RARB: variants seen among roughly 807,000 people sequenced by gnomAD.
RARB encodes the protein HBV-activated protein.
In RARB, 17 loss-of-function variants were observed where a neutral mutation model predicts 51.9. That is an observed-to-expected ratio of 0.33 (90% CI 0.22 to 0.49). RARB has a LOEUF of 0.49. RARB is among the 20% of genes least tolerant of loss of function. RARB has a pLI of 0.99. For missense variants in RARB, 369 were observed against 550.8 expected, an observed-to-expected ratio of 0.67 and a Z score of 3.30; for synonymous variants, 215 against 195.4, an observed-to-expected ratio of 1.10 and a Z score of -0.84.
Position 24,882,577 on chromosome 3 carries a change from T to C in RARB, c.-380+23825T>C, listed in dbSNP as rs983927569. On this transcript the variant is annotated intron_variant, in intron 2 of 11. Coordinates refer to the RARB transcript ENST00000383772. ...AATTTTATTGTCATCTATGGGACCA[T>C]AATAACATCCATTTCAACTTCAATA... Among the ~76,000 whole-genome samples, 14 of 152,336 alleles carry C rather than the reference T, an allele frequency of 9.2e-5. No individual in the cohort carries two copies. In the East Asian group the frequency reaches 2.7e-3, roughly 29 times the overall value.
chr3:25,317,860 A>G (rs372938552), intron 5 of RARB, among the ~76,000 whole-genome samples: 1 of 152,160 alleles, frequency 6.6e-6, no homozygotes, highest in African/African-American at 2.4e-5. Flanking sequence ...CTTTTACACT[A>G]TGAATCACAT....
At chr3:25,096,372 C>G (rs1575158460) in intron 3 of RARB, among the ~76,000 whole-genome samples, 2 of 152,060 alleles carry the variant, frequency 1.3e-5, no homozygotes, top group African/African-American at 4.8e-5. Flanking sequence ...AGACCAGATA[C>G]CATTGGAGAA....
rs1415367080 is a variant in RARB, at chr3:24,915,089, A to G, written c.-380+56337A>G. Among the ~76,000 whole-genome samples, 3 of 152,098 alleles carry G rather than the reference A, an allele frequency of 2.0e-5. No homozygotes were observed. In the East Asian group the frequency reaches 5.8e-4, roughly 29 times the overall value. On this transcript the variant is annotated intron_variant, in intron 2 of 11. Coordinates refer to the RARB transcript ENST00000383772. ...CTTAGTGGTTAGTGGGGAGAGGACC[A>G]CTCTTTATAAGAGGTGTTTCTGAAG...
At chr3:25,321,414 A>T (rs1704565295) in intron 5 of RARB, among the ~76,000 whole-genome samples, 1 of 152,112 alleles carries the variant, frequency 6.6e-6, no homozygotes, top group East Asian at 1.9e-4. Context: ...GATAAAAATA[A>T]CATTTTTAAA....
intron 5 of RARB, among the ~76,000 whole-genome samples, chr3:25,379,411 G>T (rs1339600373): frequency 6.6e-6 from 1 of 152,182 alleles, no homozygotes; most frequent in East Asian, 1.9e-4. Flanking sequence ...TGGTGACCTA[G>T]TGCCATGGGT....
At chr3:25,019,655 A>T (rs1331687843) in intron 2 of RARB, among the ~76,000 whole-genome samples, 1 of 152,200 alleles carries the variant, frequency 6.6e-6, no homozygotes, top group Non-Finnish European at 1.5e-5. Context: ...AGCTCTTTCA[A>T]AAGACAGACA....
At chr3:25,027,561 G>A (rs78933090) in intron 2 of RARB, among the ~76,000 whole-genome samples, 2 of 152,078 alleles carry the variant, frequency 1.3e-5, no homozygotes, top group Admixed American at 1.3e-4. Context: ...TAATTGAGGT[G>A]AGTATCTATC....
chr3:25,015,518 G>C (rs559891289), intron 2 of RARB, among the ~76,000 whole-genome samples: 1 of 152,058 alleles, frequency 6.6e-6, no homozygotes, highest in Non-Finnish European at 1.5e-5. Flanking sequence ...TCCTGACCCA[G>C]GCATAATGGG....
intron 2 of RARB, among the ~76,000 whole-genome samples, chr3:24,957,864 A>T (rs1304887678): frequency 6.6e-6 from 1 of 152,202 alleles, no homozygotes; most frequent in Non-Finnish European, 1.5e-5. Context: ...AGCAGTTCTT[A>T]TTCCCATAAT....
chr3:25,401,643 G>A (rs988742760), intron 5 of RARB, among the ~76,000 whole-genome samples: 32 of 152,342 alleles, frequency 2.1e-4, no homozygotes, highest in Middle Eastern at 3.4e-3. Flanking sequence ...CTTAGGCTTA[G>A]TAGCAGATTG....
chr3:25,259,890 C>G (rs1044367850), intron 5 of RARB: 1 of 983,956 alleles, frequency 1.0e-6, no homozygotes. Flanking sequence ...CTTTCCTGGA[C>G]AAGATTAGGG....
intron 1 of RARB, among the ~76,000 whole-genome samples, chr3:25,456,506 C>T (rs1260170587): frequency 1.4e-5 from 2 of 145,942 alleles, no homozygotes; most frequent in African/African-American, 2.5e-5. Context: ...TTTGTCTTGG[C>T]ATGTTCGCCT....
chr3:25,035,511 A>C (rs964379583), intron 2 of RARB, among the ~76,000 whole-genome samples: 4 of 149,230 alleles, frequency 2.7e-5, no homozygotes, highest in Non-Finnish European at 5.9e-5. Flanking sequence ...TAAGGAATAT[A>C]TCTGAGATAC....
At chr3:24,870,198 T>C (rs1702921797) in intron 2 of RARB, among the ~76,000 whole-genome samples, 1 of 152,102 alleles carries the variant, frequency 6.6e-6, no homozygotes, top group East Asian at 1.9e-4. Context: ...GAATACAGTT[T>C]ATTAATTTTA....
At chr3:25,309,758 G>A (rs1283094823) in intron 5 of RARB, among the ~76,000 whole-genome samples, 1 of 151,988 alleles carries the variant, frequency 6.6e-6, no homozygotes, top group Non-Finnish European at 1.5e-5. Context: ...GCCTCCCAAA[G>A]TGCTGGGATT....
intron 5 of RARB, among the ~76,000 whole-genome samples, chr3:25,257,950 C>T (rs576006254): frequency 6.6e-6 from 1 of 152,204 alleles, no homozygotes; most frequent in South Asian, 2.1e-4. Flanking sequence ...TTTGTATTTC[C>T]ACAGCACTCT....
intron 5 of RARB, among the ~76,000 whole-genome samples, chr3:25,196,753 A>G (rs1006130165): frequency 7.2e-5 from 11 of 152,048 alleles, no homozygotes; most frequent in Admixed American, 3.3e-4. Context: ...CTTTTTAATG[A>G]TCACCATTCT....
At chr3:25,014,535 A>C (rs150840437) in intron 2 of RARB, among the ~76,000 whole-genome samples, 1 of 152,188 alleles carries the variant, frequency 6.6e-6, no homozygotes, top group South Asian at 2.1e-4. Flanking sequence ...TGACCTTCCA[A>C]TTGAACCCAG....
chr3:24,951,620 GC>G (rs1695894246), intron 2 of RARB, among the ~76,000 whole-genome samples: 1 of 152,016 alleles, frequency 6.6e-6, no homozygotes, highest in Non-Finnish European at 1.5e-5. Context: ...AGGCTCTGGG[GC>G]CTGTCTCTGG....
Sources: allele counts gnomAD v4.1 joint callset (sites outside exome capture counted in the v4.1 genomes callset), GRCh38; gene constraint gnomAD v4.1.1; transcripts MANE v1.5; gene names NCBI Gene and HGNC (gene_info 2026-07-23, HGNC 2026-07-21).